Variants in CNTNAP3 observed in about 807,000 individuals in gnomAD.
CNTNAP3 encodes contactin-associated protein-like 3.
CNTNAP3 carries 36 observed loss-of-function variants against 92.1 expected under a neutral mutation model. The observed-to-expected ratio is 0.39, with a 90% CI of 0.30 to 0.52. CNTNAP3 has a LOEUF of 0.52. Ranked by LOEUF, CNTNAP3 falls within the 20% of genes least tolerant of loss-of-function variation. The pLI is 0.76. For synonymous variants in CNTNAP3, 232 were observed against 422.3 expected, an observed-to-expected ratio of 0.55 and a Z score of 5.53; for missense variants, 534 against 1,069.6, an observed-to-expected ratio of 0.50 and a Z score of 6.98.
chr9:39,115,166 G>A (rs1004028267), intron 14 of CNTNAP3, among the ~76,000 whole-genome samples: 5 of 151,302 alleles, frequency 3.3e-5, no homozygotes, highest in African/African-American at 4.9e-5. Context: ...GAAAAATGGC[G>A]ATGGTTTATA....
At chr9:39,129,042 C>T (rs1821214567) in intron 13 of CNTNAP3, among the ~76,000 whole-genome samples, 2 of 151,970 alleles carry the variant, frequency 1.3e-5, no homozygotes, top group African/African-American at 4.8e-5. Context: ...GATTGGAAGA[C>T]TCAAAACAGT....
At chr9:39,140,704 G>C in intron 11 of CNTNAP3, 66 bp from the exon 12 acceptor site, 1 of 1,509,606 alleles carries the variant, frequency 6.6e-7, no homozygotes, top group African/African-American at 1.4e-5. Context: ...AGTGTCCAAA[G>C]GTTTGCATTT....
chr9:39,143,634 A>C (rs1821629330), intron 11 of CNTNAP3, among the ~76,000 whole-genome samples: 1 of 152,216 alleles, frequency 6.6e-6, no homozygotes, highest in Non-Finnish European at 1.5e-5. Flanking sequence ...ATAAGTACTC[A>C]ATACATTAAT....
chr9:39,117,148 C>T (rs1171274560), intron 14 of CNTNAP3, among the ~76,000 whole-genome samples: 2 of 152,064 alleles, frequency 1.3e-5, no homozygotes, highest in Admixed American at 6.5e-5. Context: ...CACACAGCCA[C>T]ACCCGGCTAA....
At chr9:39,089,180 C>A (rs1023939448) in intron 18 of CNTNAP3, among the ~76,000 whole-genome samples, 2 of 152,128 alleles carry the variant, frequency 1.3e-5, no homozygotes, top group African/African-American at 4.8e-5. Context: ...CCTACAAAAA[C>A]CTCCATAACC....
intron 23 of CNTNAP3, among the ~76,000 whole-genome samples, chr9:39,076,590 T>G (rs1383645388): frequency 6.6e-6 from 1 of 152,310 alleles, no homozygotes; most frequent in East Asian, 1.9e-4. Context: ...CGAAATTGTT[T>G]TCTGTCATTT....
At chr9:39,147,909 T>G (rs1278803606) in intron 10 of CNTNAP3, among the ~76,000 whole-genome samples, 11 of 152,204 alleles carry the variant, frequency 7.2e-5, no homozygotes, top group Admixed American at 2.0e-4. Context: ...GGATCATATT[T>G]TGTGAGTAAT....
At chr9:39,214,372 C>T (rs1233557260) in intron 3 of CNTNAP3, among the ~76,000 whole-genome samples, 1 of 6,802 alleles carries the variant, frequency 1.5e-4, no homozygotes, top group African/African-American at 1.8e-4. Flanking sequence ...ATATTTCTAA[C>T]GCAATAAACA....
intron 15 of CNTNAP3, among the ~76,000 whole-genome samples, chr9:39,107,973 G>A (rs1547263): frequency 1.3e-5 from 2 of 152,104 alleles, no homozygotes; most frequent in African/African-American, 2.4e-5. Context: ...AGAGCTGTGA[G>A]GAGTCTGAGA....
intron 14 of CNTNAP3, among the ~76,000 whole-genome samples, chr9:39,109,715 T>TA (rs1826696588): frequency 6.6e-6 from 1 of 152,138 alleles, no homozygotes; most frequent in African/African-American, 2.4e-5. Flanking sequence ...CATGCAAAAA[T>TA]AGACTAGTGG....
intron 20 of CNTNAP3, 150 bp from the exon 21 acceptor site, chr9:39,085,973 C>T (rs927584344): frequency 2.5e-6 from 2 of 784,618 alleles, no homozygotes; most frequent in South Asian, 3.3e-5. Context: ...AATAATTAAT[C>T]ATTTAGAAAG....
chr9:39,077,976 C>T (rs1825822963), intron 23 of CNTNAP3, among the ~76,000 whole-genome samples: 1 of 152,066 alleles, frequency 6.6e-6, no homozygotes, highest in South Asian at 2.1e-4. Flanking sequence ...GAGGCTGAGG[C>T]GGGCAGATCA....
chr9:39,123,321 C>T (rs530530645), intron 13 of CNTNAP3, among the ~76,000 whole-genome samples: 26 of 152,024 alleles, frequency 1.7e-4, no homozygotes, highest in African/African-American at 6.0e-4. Flanking sequence ...GTCTGGATCT[C>T]CTGAACTTGT....
At chr9:39,162,983 AAAG>A (rs1822106000) in intron 9 of CNTNAP3, among the ~76,000 whole-genome samples, 1 of 80,006 alleles carries the variant, frequency 1.2e-5, no homozygotes, top group South Asian at 5.0e-4. Flanking sequence ...TTTAAAAAAA[AAAG>A]AGAAGCAACA....
chr9:39,121,908 C>A (rs1165845820), intron 13 of CNTNAP3, among the ~76,000 whole-genome samples: 1 of 152,106 alleles, frequency 6.6e-6, no homozygotes, highest in Non-Finnish European at 1.5e-5. Flanking sequence ...TTTACTAGAG[C>A]CTAAACCACC....
intron 9 of CNTNAP3, among the ~76,000 whole-genome samples, chr9:39,150,986 T>C (rs1821830372): frequency 6.7e-6 from 1 of 148,296 alleles, no homozygotes; most frequent in Non-Finnish European, 1.5e-5. Context: ...TGAGTTACAA[T>C]ATATAACCTA....
intron 9 of CNTNAP3, chr9:39,159,719 GC>G (rs918004277): frequency 2.1e-5 from 3 of 140,518 alleles, no homozygotes; most frequent in African/African-American, 8.3e-5. Context: ...TTTGAGGAAA[GC>G]TTTTTTTTTT....
intron 21 of CNTNAP3, chr9:39,084,898 T>G (rs536708633): frequency 1.3e-5 from 2 of 151,468 alleles, no homozygotes; most frequent in Admixed American, 1.3e-4. Context: ...TGAATTTCAA[T>G]GTAGATTTTT....
intron 10 of CNTNAP3, among the ~76,000 whole-genome samples, chr9:39,146,620 C>T (rs747903083): frequency 3.3e-5 from 5 of 152,098 alleles, no homozygotes; most frequent in African/African-American, 4.8e-5. Context: ...ACCCAGGAGG[C>T]GGAGCTTGCA....
Sources: gnomAD v4.1 joint callset for allele counts (sites outside exome capture counted in the v4.1 genomes callset) on GRCh38, gnomAD v4.1.1 for gene constraint, MANE v1.5 for transcripts, NCBI Gene and HGNC (gene_info 2026-07-23, HGNC 2026-07-21) for gene names.